FBXL20: variants seen among roughly 807,000 people sequenced by gnomAD.
FBXL20 encodes F-box and leucine rich repeat protein 20, also known as F-box/LRR-repeat protein 20.
In FBXL20, 11 loss-of-function variants were observed where a neutral mutation model predicts 64.0. That is an observed-to-expected ratio of 0.17 (90% CI 0.11 to 0.28). FBXL20 has a LOEUF of 0.28. Ranked by LOEUF, FBXL20 falls within the 10% of genes least tolerant of loss-of-function variation. The pLI is 1.00. For missense variants in FBXL20, 303 were observed against 526.2 expected, an observed-to-expected ratio of 0.58 and a Z score of 4.15; for synonymous variants, 184 against 189.0, an observed-to-expected ratio of 0.97 and a Z score of 0.22.
intron 1 of FBXL20, among the ~76,000 whole-genome samples, chr17:39,346,941 T>C (rs1312745185): frequency 2.7e-5 from 4 of 150,116 alleles, no homozygotes; most frequent in Non-Finnish European, 5.9e-5. Flanking sequence ...GAACATGTGG[T>C]GTTTGGTTTT....
Position 39,327,502 on chromosome 17 carries a change from A to C in FBXL20, c.104+15678T>G, listed in dbSNP as rs188345396. ...GATATTATTGGAGGTGTCAATATGA[A>C]CTAGGTATGTTTGCTTATGTAACAG... On this transcript the variant is annotated intron_variant, in intron 2 of 14. Transcript: ENST00000264658. Among the ~76,000 whole-genome samples, 332 of 152,270 alleles carry C rather than the reference A, an allele frequency of 2.2e-3. 2 individuals are homozygous for C. Among genetic ancestry groups the C allele is most frequent in the Non-Finnish European group, 4.0e-3 (269 of 68,020 alleles).
At chr17:39,297,850 C>T (rs1332915480) in intron 5 of FBXL20, among the ~76,000 whole-genome samples, 1 of 150,900 alleles carries the variant, frequency 6.6e-6, no homozygotes, top group Non-Finnish European at 1.5e-5. Flanking sequence ...ATTCTCCTGC[C>T]TCAGCCTCCT....
At chr17:39,310,201 T>C (rs1480129944) in intron 2 of FBXL20, among the ~76,000 whole-genome samples, 1 of 151,494 alleles carries the variant, frequency 6.6e-6, no homozygotes, top group Non-Finnish European at 1.5e-5. Flanking sequence ...TGAAACTCCT[T>C]CTGCTTGTAA....
chr17:39,394,976 T>C (rs1023430989), intron 1 of FBXL20, among the ~76,000 whole-genome samples: 4 of 152,150 alleles, frequency 2.6e-5, no homozygotes, highest in Non-Finnish European at 2.9e-5. Flanking sequence ...AAAGCACTTA[T>C]AAATTTGCAA....
intron 1 of FBXL20, among the ~76,000 whole-genome samples, chr17:39,348,437 C>T (rs1053158347): frequency 6.0e-5 from 9 of 150,424 alleles, no homozygotes; most frequent in African/African-American, 1.2e-4. Flanking sequence ...TCCAGCCTGG[C>T]GACAGAACGA....
intron 2 of FBXL20, among the ~76,000 whole-genome samples, chr17:39,334,043 G>A (rs1277491144): frequency 6.6e-6 from 1 of 152,158 alleles, no homozygotes; most frequent in African/African-American, 2.4e-5. Flanking sequence ...GGGAAATGTG[G>A]GGAAAAGAAA....
intron 1 of FBXL20, among the ~76,000 whole-genome samples, chr17:39,365,668 T>A (rs2047852671): frequency 6.6e-6 from 1 of 152,194 alleles, no homozygotes; most frequent in Non-Finnish European, 1.5e-5. Context: ...ACTTTTATTT[T>A]TTTCTTTTCA....
intron 6 of FBXL20, among the ~76,000 whole-genome samples, chr17:39,286,219 T>A (rs940619916): frequency 6.6e-6 from 1 of 152,156 alleles, no homozygotes; most frequent in African/African-American, 2.4e-5. Flanking sequence ...CATTTATCAA[T>A]ACTGTTTTTC....
At chr17:39,368,250 G>A (rs1223817141) in intron 1 of FBXL20, among the ~76,000 whole-genome samples, 1 of 152,008 alleles carries the variant, frequency 6.6e-6, no homozygotes, top group African/African-American at 2.4e-5. Context: ...AAATTACACA[G>A]GCACAGTGGT....
chr17:39,274,128 G>A (rs1461335903), intron 10 of FBXL20, among the ~76,000 whole-genome samples: 1 of 152,152 alleles, frequency 6.6e-6, no homozygotes, highest in Non-Finnish European at 1.5e-5. Flanking sequence ...TCTAGCCTCG[G>A]TCTCCCTAAA....
intron 11 of FBXL20, among the ~76,000 whole-genome samples, chr17:39,269,517 T>G (rs1315714628): frequency 3.6e-5 from 5 of 137,362 alleles, no homozygotes; most frequent in African/African-American, 1.1e-4. Flanking sequence ...TTTTTTTTTT[T>G]GAGACAGAGT....
intron 11 of FBXL20, 32 bp from the exon 12 acceptor site, chr17:39,268,903 C>T (rs1459474264): frequency 3.2e-6 from 5 of 1,585,724 alleles, no homozygotes; most frequent in Non-Finnish European, 3.5e-6. Context: ...ACAAACATTA[C>T]AGTACAAACA....
At chr17:39,267,862 G>A (rs576652315) in intron 12 of FBXL20, among the ~76,000 whole-genome samples, 2 of 152,232 alleles carry the variant, frequency 1.3e-5, no homozygotes, top group East Asian at 1.9e-4. Context: ...AGAGATAAAC[G>A]GATGCGAACA....
intron 1 of FBXL20, among the ~76,000 whole-genome samples, chr17:39,368,199 G>A (rs2047880318): frequency 6.6e-6 from 1 of 152,142 alleles, no homozygotes; most frequent in East Asian, 1.9e-4. Flanking sequence ...GACCAGCCTG[G>A]GCAACACAGC....
At chr17:39,278,198 T>G (rs1384954203) in intron 9 of FBXL20, among the ~76,000 whole-genome samples, 2 of 152,100 alleles carry the variant, frequency 1.3e-5, no homozygotes, top group Non-Finnish European at 2.9e-5. Flanking sequence ...CAGGCTGGAG[T>G]GCAGTGGCGT....
chr17:39,314,643 G>A (rs1294186341), intron 2 of FBXL20, among the ~76,000 whole-genome samples: 1 of 150,550 alleles, frequency 6.6e-6, no homozygotes, highest in African/African-American at 2.4e-5. Context: ...TTACAGGTGT[G>A]AGCCATCACA....
intron 7 of FBXL20, among the ~76,000 whole-genome samples, chr17:39,285,051 G>A (rs189425349): frequency 1.7e-3 from 260 of 151,862 alleles, no homozygotes; most frequent in African/African-American, 6.1e-3. Context: ...GACTACAGGC[G>A]CACGCCACCA....
chr17:39,311,000 A>C (rs2047230623), intron 2 of FBXL20, among the ~76,000 whole-genome samples: 1 of 151,898 alleles, frequency 6.6e-6, no homozygotes, highest in African/African-American at 2.4e-5. Context: ...ATTAAAAAAA[A>C]AACACACAAA....
chr17:39,340,978 T>A (rs2047577090), intron 2 of FBXL20, among the ~76,000 whole-genome samples: 1 of 151,702 alleles, frequency 6.6e-6, no homozygotes, highest in Admixed American at 6.6e-5. Context: ...TTGGCTTTAA[T>A]TGTTTAAACA....
Sources: gnomAD v4.1 joint callset for allele counts (sites outside exome capture counted in the v4.1 genomes callset) on GRCh38, gnomAD v4.1.1 for gene constraint, MANE v1.5 for transcripts, NCBI Gene and HGNC (gene_info 2026-07-23, HGNC 2026-07-21) for gene names.